Variants in ZFAND3 observed in about 807,000 individuals in gnomAD.
ZFAND3 encodes the protein AN1-type zinc finger protein 3.
Under a neutral mutation model 29.6 loss-of-function variants are expected in ZFAND3, and 10 were observed. That is an observed-to-expected ratio of 0.34 (90% CI 0.21 to 0.57). The LOEUF is 0.57. ZFAND3 is among the 20% of genes least tolerant of loss of function. The pLI is 0.86. For synonymous variants in ZFAND3, 128 were observed against 112.6 expected, an observed-to-expected ratio of 1.14 and a Z score of -0.87; for missense variants, 230 against 304.5, an observed-to-expected ratio of 0.76 and a Z score of 1.82.
intron 2 of ZFAND3, among the ~76,000 whole-genome samples, chr6:38,002,071 A>G (rs925937817): frequency 6.6e-6 from 1 of 152,174 alleles, no homozygotes; most frequent in East Asian, 1.9e-4. Flanking sequence ...GTCCTATTCA[A>G]TAAAACGGCT....
Position 37,845,018 on chromosome 6 carries a change from C to G in ZFAND3, c.71+25002C>G, listed in dbSNP as rs1424727682. 3.4e-5 allele frequency among the ~76,000 whole-genome samples: 5 copies of G among 146,038 alleles called. No individual in the cohort carries two copies. In the East Asian group the frequency reaches 9.9e-4, roughly 29 times the overall value. Reference sequence around the variant, plus strand: ...CAGCCTGGGCGACAGAGCAAGACTCCGTCTCAAAAAAAAAAAAAAAAGCAA... The same window carrying G: ...CAGCCTGGGCGACAGAGCAAGACTCGGTCTCAAAAAAAAAAAAAAAAGCAA... On this transcript the variant is annotated intron_variant, in intron 1 of 5. Coordinates refer to ENST00000287218, the MANE Select transcript of ZFAND3 (RefSeq NM_021943.3).
chr6:37,902,743 T>A, intron 1 of ZFAND3, among the ~76,000 whole-genome samples: 1 of 126,238 alleles, frequency 7.9e-6, no homozygotes, highest in African/African-American at 2.8e-5. Flanking sequence ...CTTACTTTTT[T>A]TTTTTTTTTT....
At chr6:37,994,908 T>G (rs547413153) in intron 2 of ZFAND3, among the ~76,000 whole-genome samples, 1 of 152,296 alleles carries the variant, frequency 6.6e-6, no homozygotes, top group Admixed American at 6.5e-5. Context: ...ATGTTTCTTA[T>G]CCGGGGTGGG....
In ZFAND3 at chr6:38,011,103, C is replaced by T. The variant is rs533963270; in HGVS notation, c.113-50490C>T. Among the ~76,000 whole-genome samples the T allele has an allele frequency of 3.6e-4, 55 of 152,118 alleles. No homozygotes were observed. In the South Asian group the frequency reaches 6.4e-3, roughly 18 times the overall value. The stretch of plus-strand genomic sequence containing the variant: ...GTATACAGTTGTGTCTGGCTTGTTT[C>T]AATTCGCATAATACGTTTGGGACTC... On this transcript the variant is annotated intron_variant, in intron 2 of 5. Coordinates refer to ENST00000287218, the MANE Select transcript of ZFAND3 (RefSeq NM_021943.3).
chr6:37,914,122 G>A (rs1298092640), intron 1 of ZFAND3, among the ~76,000 whole-genome samples: 4 of 152,162 alleles, frequency 2.6e-5, no homozygotes, highest in African/African-American at 9.7e-5. Flanking sequence ...GTGTTTGCAG[G>A]CATGAAAACA....
chr6:38,064,659 C>A (rs576824913), intron 3 of ZFAND3, among the ~76,000 whole-genome samples: 2 of 142,866 alleles, frequency 1.4e-5, no homozygotes, highest in East Asian at 4.1e-4. Context: ...CTGTAGACTG[C>A]TATGGGCTTT....
At chr6:38,066,397 G>C (rs1581888830) in intron 3 of ZFAND3, among the ~76,000 whole-genome samples, 1 of 152,200 alleles carries the variant, frequency 6.6e-6, no homozygotes, top group Non-Finnish European at 1.5e-5. Flanking sequence ...TGCCTATGTT[G>C]ATATTTTAGT....
chr6:38,071,865 A>G (rs1294854846), intron 3 of ZFAND3, among the ~76,000 whole-genome samples: 4 of 152,192 alleles, frequency 2.6e-5, no homozygotes, highest in Non-Finnish European at 5.9e-5. Context: ...AGTGATTTAA[A>G]TATTTAGGAA....
At position 37,961,729 on chromosome 6, in the gene ZFAND3, A is replaced by G. The variant is rs143466857; in HGVS notation, c.112+31730A>G. Among the ~76,000 whole-genome samples the G allele has an allele frequency of 1.7e-3, 261 of 152,346 alleles. 1 individual carries two copies. The highest frequency in any genetic ancestry group is 5.9e-3 in the African/African-American group (247 of 41,578). On this transcript the variant is annotated intron_variant, in intron 2 of 5. Transcript: ENST00000287218. ...CAAGAGTCTTTTTCTAGTAATCCAG[A>G]GAACTCTTGGATTTTGTCCAAGACC...
intron 2 of ZFAND3, among the ~76,000 whole-genome samples, chr6:37,978,720 A>G (rs544494881): frequency 6.6e-6 from 1 of 152,252 alleles, no homozygotes; most frequent in Admixed American, 6.5e-5. Flanking sequence ...TGTTTATAAC[A>G]TTTCATCCGT....
chr6:38,030,925 A>T (rs906543120), intron 2 of ZFAND3, among the ~76,000 whole-genome samples: 2 of 152,222 alleles, frequency 1.3e-5, no homozygotes, highest in Non-Finnish European at 2.9e-5. Flanking sequence ...TTGAAAATAG[A>T]TGCAAAACCA....
chr6:38,098,286 A>G (rs538594394), intron 4 of ZFAND3, among the ~76,000 whole-genome samples: 2 of 152,246 alleles, frequency 1.3e-5, no homozygotes, highest in South Asian at 4.1e-4. Context: ...AGCTGGAACT[A>G]CAGGTGCATG....
intron 2 of ZFAND3, among the ~76,000 whole-genome samples, chr6:38,047,246 C>T (rs12201151): frequency 0.27 from 40,705 of 150,350 alleles, 6,653 homozygotes; most frequent in Admixed American, 0.4. Context: ...ACACAGGCGG[C>T]GGAGGTTGCA....
intron 1 of ZFAND3, among the ~76,000 whole-genome samples, chr6:37,862,708 AAAAAC>A (rs542216872): frequency 1.3e-5 from 2 of 151,710 alleles, no homozygotes; most frequent in Admixed American, 6.6e-5. Flanking sequence ...TGTCTCTAAA[AAAAAC>A]AAAACAAAAC....
At chr6:37,878,149 T>C (rs1764828058) in intron 1 of ZFAND3, among the ~76,000 whole-genome samples, 1 of 152,126 alleles carries the variant, frequency 6.6e-6, no homozygotes, top group African/African-American at 2.4e-5. Context: ...GGAGGGAAAG[T>C]ATGATCCGAT....
At chr6:38,044,940 A>G (rs1763867069) in intron 2 of ZFAND3, among the ~76,000 whole-genome samples, 1 of 151,720 alleles carries the variant, frequency 6.6e-6, no homozygotes, top group Non-Finnish European at 1.5e-5. Context: ...TCTTCTGTTG[A>G]TTTTTGTCTG....
intron 2 of ZFAND3, among the ~76,000 whole-genome samples, chr6:38,008,874 C>A (rs542068613): frequency 1.3e-4 from 19 of 151,692 alleles, no homozygotes; most frequent in Non-Finnish European, 2.6e-4. Flanking sequence ...AAAAAAAAAT[C>A]ACAATGGGAT....
chr6:37,830,787 C>T (rs1193487554), intron 1 of ZFAND3, among the ~76,000 whole-genome samples: 2 of 151,782 alleles, frequency 1.3e-5, no homozygotes, highest in East Asian at 3.8e-4. Flanking sequence ...CAGTCTTGCC[C>T]ATCGTCTGTT....
intron 1 of ZFAND3, among the ~76,000 whole-genome samples, chr6:37,870,116 GT>G (rs1396520834): frequency 6.6e-6 from 1 of 151,738 alleles, no homozygotes; most frequent in African/African-American, 2.4e-5. Flanking sequence ...GATTTCATTT[GT>G]GATTTTTTTC....
Sources: allele counts gnomAD v4.1 joint callset (sites outside exome capture counted in the v4.1 genomes callset), GRCh38; gene constraint gnomAD v4.1.1; transcripts MANE v1.5; gene names NCBI Gene and HGNC (gene_info 2026-07-23, HGNC 2026-07-21).